The following STIM1 variants were observed in gnomAD, a reference collection of about 807,000 sequenced individuals.
STIM1 encodes stromal interaction molecule 1.
Under a neutral mutation model 74.7 loss-of-function variants are expected in STIM1, and 25 were observed. The ratio of observed to expected loss-of-function variants is 0.33; its 90% confidence interval spans 0.24 to 0.47. The LOEUF (loss-of-function observed/expected upper bound fraction) is 0.47. STIM1 is among the 20% of genes least tolerant of loss of function. The pLI, the probability that STIM1 is intolerant of heterozygous loss-of-function variation, is 1.00. For synonymous variants in STIM1, 328 were observed against 348.8 expected, an observed-to-expected ratio of 0.94 and a Z score of 0.66; for missense variants, 728 against 920.8, an observed-to-expected ratio of 0.79 and a Z score of 2.71.
At chr11:3,990,639 C>T (rs879942105) in intron 2 of STIM1, among the ~76,000 whole-genome samples, 1 of 152,184 alleles carries the variant, frequency 6.6e-6, no homozygotes, top group Non-Finnish European at 1.5e-5. Flanking sequence ...TGATTACAGT[C>T]ATCCTAGTTG....
intron 1 of STIM1, among the ~76,000 whole-genome samples, chr11:3,916,511 G>T (rs561728992): frequency 6.6e-6 from 1 of 151,602 alleles, no homozygotes; most frequent in African/African-American, 2.4e-5. Context: ...AGTGTAAATG[G>T]GGTGATCTCG....
chr11:3,910,052 A>C (rs1438352262), intron 1 of STIM1, among the ~76,000 whole-genome samples: 1 of 152,140 alleles, frequency 6.6e-6, no homozygotes, highest in Non-Finnish European at 1.5e-5. Context: ...CATGAGTAGG[A>C]AGGGAAGCAT....
At chr11:3,881,862 G>A (rs1421361441) in intron 1 of STIM1, among the ~76,000 whole-genome samples, 5 of 151,024 alleles carry the variant, frequency 3.3e-5, no homozygotes, top group South Asian at 2.1e-4. Flanking sequence ...TACTAGAGAC[G>A]GGGTTCGCCA....
chr11:4,054,218 T>G (rs931946333), intron 3 of STIM1, among the ~76,000 whole-genome samples: 1 of 151,978 alleles, frequency 6.6e-6, no homozygotes, highest in Non-Finnish European at 1.5e-5. Flanking sequence ...GGAGGAGAGG[T>G]CTATAGATTC....
intron 1 of STIM1, among the ~76,000 whole-genome samples, chr11:3,966,480 C>T (rs1212693894): frequency 6.6e-6 from 1 of 152,172 alleles, no homozygotes; most frequent in Non-Finnish European, 1.5e-5. Flanking sequence ...GTCACAACCA[C>T]AGCCTCTTCA....
Position 3,892,394 on chromosome 11 carries a change from A to G in STIM1, c.139+35985A>G, listed in dbSNP as rs1445925186. Reference sequence around the variant, plus strand: ...AGATAAAACACAAGTCAAACTTATTAAGAGTTGTCCACAGTCAGCAGTGGT... The same window carrying G: ...AGATAAAACACAAGTCAAACTTATTGAGAGTTGTCCACAGTCAGCAGTGGT... On this transcript the variant is annotated intron_variant, in intron 1 of 12. Coordinates refer to ENST00000526596, the MANE Select transcript of STIM1 (RefSeq NM_001382567.1). 4 of 1,427,416 alleles carry G rather than the reference A, an allele frequency of 2.8e-6. No individual in the cohort carries two copies. The African/African-American group carries it at 4.2e-5, about 15-fold the overall frequency. 88.4% of individuals were successfully genotyped at this position (1,427,416 alleles called of 1,614,324 possible). A position where few individuals can be genotyped will look rare whatever the true frequency, so the allele number is the denominator to read the frequency against.
intron 1 of STIM1, among the ~76,000 whole-genome samples, chr11:3,886,214 A>T (rs1405520738): frequency 1.3e-5 from 2 of 152,206 alleles, no homozygotes; most frequent in Admixed American, 1.3e-4. Flanking sequence ...TTCACTGGGA[A>T]CCCAATGATA....
At chr11:4,073,020 T>G (rs1047441323) in intron 6 of STIM1, among the ~76,000 whole-genome samples, 1 of 144,294 alleles carries the variant, frequency 6.9e-6, no homozygotes, top group African/African-American at 2.5e-5. Context: ...TTTTGAAGTC[T>G]CCGCCACTGA....
intron 2 of STIM1, among the ~76,000 whole-genome samples, chr11:4,001,559 T>C (rs369218331): frequency 2.6e-5 from 4 of 152,148 alleles, no homozygotes; most frequent in Non-Finnish European, 4.4e-5. Context: ...CACCACCAGG[T>C]CTGCCCTAAA....
intron 2 of STIM1, among the ~76,000 whole-genome samples, chr11:4,011,888 G>C (rs1408768722): frequency 6.6e-6 from 1 of 152,050 alleles, no homozygotes; most frequent in Admixed American, 6.6e-5. Flanking sequence ...TCCATCTCTA[G>C]TTAATTTTTG....
intron 2 of STIM1, among the ~76,000 whole-genome samples, chr11:3,989,010 A>G (rs1164178300): frequency 3.3e-5 from 5 of 152,234 alleles, no homozygotes; most frequent in Admixed American, 6.5e-5. Flanking sequence ...TACACTTAAA[A>G]GATGGGATGA....
intron 1 of STIM1, among the ~76,000 whole-genome samples, chr11:3,958,273 C>G (rs2093241949): frequency 6.6e-6 from 1 of 152,188 alleles, no homozygotes; most frequent in Non-Finnish European, 1.5e-5. Context: ...ATTTGGGAGG[C>G]TGAGGCAGGA....
intron 1 of STIM1, among the ~76,000 whole-genome samples, chr11:3,952,284 A>G (rs1046330329): frequency 1.1e-4 from 16 of 152,244 alleles, no homozygotes; most frequent in African/African-American, 3.4e-4. Context: ...ACAGTGGTGC[A>G]TGCCTGTGGT....
At chr11:4,045,584 G>A (rs1281208319) in intron 3 of STIM1, among the ~76,000 whole-genome samples, 1 of 151,532 alleles carries the variant, frequency 6.6e-6, no homozygotes, top group African/African-American at 2.4e-5. Context: ...TGAGTAGCTA[G>A]GACTATAGGC....
At chr11:3,992,610 TA>T (rs2093626962) in intron 2 of STIM1, among the ~76,000 whole-genome samples, 1 of 152,190 alleles carries the variant, frequency 6.6e-6, no homozygotes, top group Non-Finnish European at 1.5e-5. Flanking sequence ...ACAGAAGTTT[TA>T]AATTTTGATG....
chr11:4,045,968 T>C (rs2094189448), intron 3 of STIM1, among the ~76,000 whole-genome samples: 1 of 150,866 alleles, frequency 6.6e-6, no homozygotes, highest in Non-Finnish European at 1.5e-5. Flanking sequence ...GGTTTCACCA[T>C]GTTGGCCAGG....
intron 1 of STIM1, among the ~76,000 whole-genome samples, chr11:3,917,580 G>A (rs143666453): frequency 7.9e-5 from 12 of 151,976 alleles, no homozygotes; most frequent in Non-Finnish European, 4.4e-5. Context: ...GACTACAGGC[G>A]CATGCCACCA....
chr11:3,903,359 C>T (rs1474884353), intron 1 of STIM1: 2 of 152,188 alleles, frequency 1.3e-5, no homozygotes, highest in Non-Finnish European at 2.9e-5. Flanking sequence ...AGGGCAATTT[C>T]CCAAGCCTTG....
intron 1 of STIM1, chr11:3,868,153 C>T (rs4910582): frequency 0.56 from 85,772 of 151,926 alleles, 24,745 homozygotes; most frequent in African/African-American, 0.68. Context: ...GCTGGGTGGT[C>T]GAATTTGTGG....
Sources: gnomAD v4.1 joint callset for allele counts (sites outside exome capture counted in the v4.1 genomes callset) on GRCh38, gnomAD v4.1.1 for gene constraint, MANE v1.5 for transcripts, NCBI Gene and HGNC (gene_info 2026-07-23, HGNC 2026-07-21) for gene names.